Variants in BNC2 observed in about 807,000 individuals in gnomAD.
BNC2 encodes basonuclin zinc finger protein 2.
A neutral mutation model predicts 76.3 loss-of-function variants in BNC2; 20 were observed. The observed-to-expected ratio is 0.26, with a 90% CI of 0.18 to 0.38. The LOEUF (loss-of-function observed/expected upper bound fraction) is 0.38. Among genes scored for constraint, BNC2 ranks in the 10% least tolerant of loss-of-function variants. The probability of loss-of-function intolerance (pLI) is 1.00; values close to 1 mark genes in which losing one functional copy is unlikely to be tolerated. For synonymous variants in BNC2, 582 were observed against 514.8 expected (o/e 1.13, Z -1.77); for missense variants, 1,382 against 1,399.8 (o/e 0.99, Z 0.20).
At chr9:16,497,307 G>T (rs917792867) in intron 5 of BNC2, among the ~76,000 whole-genome samples, 4 of 152,222 alleles carry the variant, frequency 2.6e-5, no homozygotes, top group African/African-American at 9.6e-5. Flanking sequence ...TTTCTGTGAA[G>T]TAGATGTAGG....
At chr9:16,859,521 T>C (rs1370500629) in intron 1 of BNC2, among the ~76,000 whole-genome samples, 1 of 152,176 alleles carries the variant, frequency 6.6e-6, no homozygotes, top group East Asian at 1.9e-4. Flanking sequence ...GCCTTAAAAA[T>C]GAAGACAATT....
chr9:16,772,591 C>T (rs182481951), intron 1 of BNC2, among the ~76,000 whole-genome samples: 39 of 152,172 alleles, frequency 2.6e-4, no homozygotes, highest in African/African-American at 8.7e-4. Flanking sequence ...AACCTCACAC[C>T]TCATGGGAAA....
chr9:16,542,711 G>C (rs1818361879), intron 5 of BNC2, among the ~76,000 whole-genome samples: 1 of 152,192 alleles, frequency 6.6e-6, no homozygotes, highest in African/African-American at 2.4e-5. Flanking sequence ...CATTCTCCTA[G>C]CAAAGTATTG....
At chr9:16,761,083 A>C (rs1825539097) in intron 1 of BNC2, among the ~76,000 whole-genome samples, 1 of 151,444 alleles carries the variant, frequency 6.6e-6, no homozygotes, top group South Asian at 2.1e-4. Flanking sequence ...TCTCTACAAA[A>C]AAAAAAATAC....
chr9:16,433,816 TG>T (rs1386102491), intron 6 of BNC2, among the ~76,000 whole-genome samples: 1 of 152,224 alleles, frequency 6.6e-6, no homozygotes, highest in Non-Finnish European at 1.5e-5. Flanking sequence ...GCTTAAATTT[TG>T]GCTTGTCTTC....
intron 1 of BNC2, among the ~76,000 whole-genome samples, chr9:16,835,322 C>T (rs1586921818): frequency 6.6e-6 from 1 of 152,182 alleles, no homozygotes; most frequent in Non-Finnish European, 1.5e-5. Flanking sequence ...ATCTAATTCT[C>T]ACCACTACAA....
At position 16,446,951 on chromosome 9, in the gene BNC2, C is replaced by G. The variant is rs532607733; in HGVS notation, c.670-9427G>C. Among the ~76,000 whole-genome samples, 39 of 152,140 alleles carry G rather than the reference C, an allele frequency of 2.6e-4. No individual in the cohort carries two copies. The East Asian group carries it at 5.8e-3, about 23-fold the overall frequency. On this transcript the variant is annotated intron_variant, in intron 5 of 6. Transcript: ENST00000380672. ...GGCATTTGTTTGCAAATAAATAAAG[C>G]AGGTGCCTTGCTTTGCCATATTAAA...
chr9:16,436,007 C>T lies in BNC2; in HGVS notation c.2187G>A (p.Ser729=), dbSNP rs768688801. The T allele has an allele frequency of 3.1e-6, 5 of 1,613,992 alleles. No individual in the cohort carries two copies. Among genetic ancestry groups the T allele is most frequent in the Non-Finnish European group, 3.4e-6 (4 of 1,180,040 alleles). The part of the protein sequence containing the change: ...ERDYENESES[S]EPKLGEESME... ...TGGATTCCTCGCCCAGTTTGGGCTC[C>T]GAAGACTCAGACTCGTTCTCATAGT... The change falls in exon 6 of 7, where the codon TCG becomes TCA. Residue 729 remains serine (S), a synonymous_variant. Coordinates refer to ENST00000380672, the MANE Select transcript of BNC2 (RefSeq NM_017637.6).
chr9:16,474,093 T>C (rs181274351), intron 5 of BNC2, among the ~76,000 whole-genome samples: 17 of 152,328 alleles, frequency 1.1e-4, no homozygotes, highest in South Asian at 6.2e-4. Flanking sequence ...TTGACTGATG[T>C]AGCATTTGCT....
chr9:16,717,498 CA>C (rs1234812369), intron 3 of BNC2, among the ~76,000 whole-genome samples: 2 of 152,136 alleles, frequency 1.3e-5, no homozygotes, highest in Non-Finnish European at 2.9e-5. Context: ...ATGAAATACA[CA>C]ATTCCCTACC....
chr9:16,784,926 G>C (rs187289807), intron 1 of BNC2, among the ~76,000 whole-genome samples: 10 of 152,278 alleles, frequency 6.6e-5, no homozygotes, highest in African/African-American at 2.4e-4. Flanking sequence ...TGACAAGAGT[G>C]GAAGAAGAAA....
At chr9:16,460,819 A>C (rs1271685198) in intron 5 of BNC2, among the ~76,000 whole-genome samples, 4 of 152,114 alleles carry the variant, frequency 2.6e-5, no homozygotes, top group Non-Finnish European at 5.9e-5. Context: ...TAAATGACAC[A>C]GCAGTACTCG....
intron 3 of BNC2, among the ~76,000 whole-genome samples, chr9:16,586,261 A>G (rs767365155): frequency 6.6e-5 from 10 of 152,062 alleles, no homozygotes; most frequent in African/African-American, 1.2e-4. Flanking sequence ...AAGAACAACC[A>G]TAACAACAAC....
intron 3 of BNC2, among the ~76,000 whole-genome samples, chr9:16,645,526 G>T (rs1202704660): frequency 6.6e-6 from 1 of 152,042 alleles, no homozygotes; most frequent in East Asian, 1.9e-4. Flanking sequence ...TTTTATACTT[G>T]GGAGGAGATG....
chr9:16,590,319 C>T (rs1383062779), intron 3 of BNC2, among the ~76,000 whole-genome samples: 2 of 151,902 alleles, frequency 1.3e-5, no homozygotes, highest in East Asian at 2.0e-4. Context: ...CAGCCTCCCA[C>T]GTAGCTGGGA....
At chr9:16,820,466 GT>G (rs1427732765) in intron 1 of BNC2, among the ~76,000 whole-genome samples, 1 of 151,992 alleles carries the variant, frequency 6.6e-6, no homozygotes, top group African/African-American at 2.4e-5. Context: ...GAAGTAAAAG[GT>G]TTTGCCAAAG....
At chr9:16,773,087 A>G (rs1403816006) in intron 1 of BNC2, among the ~76,000 whole-genome samples, 1 of 152,182 alleles carries the variant, frequency 6.6e-6, no homozygotes, top group South Asian at 2.1e-4. Context: ...ACTATTAGAC[A>G]TGCCGCATTG....
chr9:16,593,817 T>C (rs1252679039), intron 3 of BNC2, among the ~76,000 whole-genome samples: 1 of 151,964 alleles, frequency 6.6e-6, no homozygotes, highest in Non-Finnish European at 1.5e-5. Flanking sequence ...TAGCTCGCCA[T>C]TAAAAAAAGA....
intron 1 of BNC2, among the ~76,000 whole-genome samples, chr9:16,795,530 G>C (rs973232917): frequency 1.3e-5 from 2 of 152,004 alleles, no homozygotes; most frequent in Non-Finnish European, 2.9e-5. Flanking sequence ...ATAAACCCTA[G>C]CTCAGCCCAT....
Sources: gnomAD v4.1 joint callset for allele counts (sites outside exome capture counted in the v4.1 genomes callset) on GRCh38, gnomAD v4.1.1 for gene constraint, MANE v1.5 for transcripts, NCBI Gene and HGNC (gene_info 2026-07-23, HGNC 2026-07-21) for gene names.